Variants in PTPRD observed in about 807,000 individuals in gnomAD.
PTPRD encodes receptor-type tyrosine-protein phosphatase delta.
A neutral mutation model predicts 214.5 loss-of-function variants in PTPRD; 34 were observed. That is an observed-to-expected ratio of 0.16 (90% confidence interval 0.12 to 0.21). The LOEUF (loss-of-function observed/expected upper bound fraction) is 0.21, where lower values mean the gene tolerates loss of function less well. Among genes scored for constraint, PTPRD ranks in the 10% least tolerant of loss-of-function variants. The pLI is 1.00. For synonymous variants in PTPRD, 1,128 were observed against 845.7 expected, an observed-to-expected ratio of 1.33 and a Z score of -5.79; for missense variants, 2,545 against 2,398.7, an observed-to-expected ratio of 1.06 and a Z score of -1.27.
At chr9:10,089,804 A>T (rs1437369474) in intron 3 of PTPRD, among the ~76,000 whole-genome samples, 2 of 151,678 alleles carry the variant, frequency 1.3e-5, no homozygotes, top group African/African-American at 2.4e-5. Context: ...GGTGACGGGC[A>T]TCGGGGCAAC....
At chr9:9,735,158 G>A (rs777508433) in intron 6 of PTPRD, among the ~76,000 whole-genome samples, 2 of 152,028 alleles carry the variant, frequency 1.3e-5, no homozygotes, top group African/African-American at 2.4e-5. Flanking sequence ...GGCAATATCT[G>A]AACAGCACAA....
Position 8,834,378 on chromosome 9 carries a change from T to C in PTPRD, c.-103-100432A>G, listed in dbSNP as rs185713332. Among the ~76,000 whole-genome samples the C allele has an allele frequency of 3.3e-5, 5 of 152,200 alleles. No homozygotes were observed. The East Asian group carries it at 7.7e-4, about 24-fold the overall frequency. On this transcript the variant is annotated intron_variant, in intron 11 of 45. Transcript: ENST00000381196. ...CATGATAGTGTTTCTTTTTTATAGA[T>C]AAAATGTTTTAAAAATTCAGCACCT...
At chr9:10,506,456 T>A (rs1386508758) in intron 2 of PTPRD, among the ~76,000 whole-genome samples, 1 of 152,128 alleles carries the variant, frequency 6.6e-6, no homozygotes, top group East Asian at 1.9e-4. Flanking sequence ...ATGTACATTT[T>A]AAAATAACTA....
intron 3 of PTPRD, among the ~76,000 whole-genome samples, chr9:10,175,089 G>T (rs529343083): frequency 3.3e-5 from 5 of 152,134 alleles, no homozygotes; most frequent in African/African-American, 1.2e-4. Flanking sequence ...TAAAGCCTTA[G>T]GTATTGCCCT....
At chr9:9,371,335 C>T (rs566830271) in intron 9 of PTPRD, among the ~76,000 whole-genome samples, 240 of 151,890 alleles carry the variant, frequency 1.6e-3, no homozygotes, top group Non-Finnish European at 2.9e-3. Flanking sequence ...CCTGGTTTAG[C>T]GTTGGGAGGT....
chr9:9,599,281 T>C (rs1301419433), intron 7 of PTPRD, among the ~76,000 whole-genome samples: 1 of 152,066 alleles, frequency 6.6e-6, no homozygotes, highest in Non-Finnish European at 1.5e-5. Flanking sequence ...TCGTTAGGAA[T>C]ATAGGGAGAC....
intron 5 of PTPRD, among the ~76,000 whole-genome samples, chr9:9,786,627 T>C (rs2154493295): frequency 6.6e-6 from 1 of 152,174 alleles, no homozygotes; most frequent in East Asian, 1.9e-4. Flanking sequence ...CTGGGTCAAA[T>C]GGTATTTCTA....
intron 11 of PTPRD, among the ~76,000 whole-genome samples, chr9:8,931,830 C>G (rs2098954716): frequency 6.6e-6 from 1 of 152,086 alleles, no homozygotes; most frequent in African/African-American, 2.4e-5. Flanking sequence ...TGACTACTGC[C>G]TCAATTTCAG....
chr9:9,934,695 A>G (rs1298344142), intron 5 of PTPRD, among the ~76,000 whole-genome samples: 1 of 151,390 alleles, frequency 6.6e-6, no homozygotes, highest in East Asian at 1.9e-4. Flanking sequence ...CAATCAACAG[A>G]AAAAGAGGGA....
chr9:9,550,512 T>C (rs1374392710), intron 8 of PTPRD, among the ~76,000 whole-genome samples: 2 of 148,584 alleles, frequency 1.3e-5, no homozygotes, highest in South Asian at 2.1e-4. Context: ...TAGGACAATA[T>C]ATTATGTATA....
At chr9:9,628,244 G>A (rs936819895) in intron 7 of PTPRD, among the ~76,000 whole-genome samples, 1 of 152,128 alleles carries the variant, frequency 6.6e-6, no homozygotes, top group Non-Finnish European at 1.5e-5. Flanking sequence ...ACACATGTGT[G>A]ATAACTCCTG....
rs529589369 is a variant in PTPRD at position 9,123,544 on chromosome 9, AT to A, written c.-143+59759del. ...TACAATCAGATATGTACAGAGAAAC[AT>A]TTTTTTTTTCCAATGGCATCAAGAA... On this transcript the variant is annotated intron_variant, in intron 10 of 45. Transcript: ENST00000381196. Among the ~76,000 whole-genome samples, 172 of 150,340 alleles carry A rather than the reference AT, an allele frequency of 1.1e-3. 1 individual carries two copies. The highest frequency in any genetic ancestry group is 1.1e-3 in the South Asian group (5 of 4,738).
chr9:9,649,413 T>C (rs1410185282), intron 7 of PTPRD, among the ~76,000 whole-genome samples: 1 of 152,172 alleles, frequency 6.6e-6, no homozygotes, highest in African/African-American at 2.4e-5. Flanking sequence ...ATAAACTGCT[T>C]AAGTTTAATG....
intron 5 of PTPRD, among the ~76,000 whole-genome samples, chr9:9,879,652 G>A (rs548750811): frequency 6.6e-6 from 1 of 152,288 alleles, no homozygotes; most frequent in African/African-American, 2.4e-5. Context: ...AAAATTGACA[G>A]AGATCCTAAG....
chr9:10,329,994 T>G (rs1050341638), intron 3 of PTPRD, among the ~76,000 whole-genome samples: 1 of 151,858 alleles, frequency 6.6e-6, no homozygotes, highest in African/African-American at 2.4e-5. Context: ...AATCACTGGA[T>G]TAGGAATAAA....
At chr9:8,704,412 G>T (rs1411851114) in intron 12 of PTPRD, among the ~76,000 whole-genome samples, 1 of 151,848 alleles carries the variant, frequency 6.6e-6, no homozygotes, top group African/African-American at 2.4e-5. Context: ...TGGGAAGAAG[G>T]AAAAAAAGGA....
chr9:10,001,686 A>AT (rs1002996738), intron 4 of PTPRD, among the ~76,000 whole-genome samples: 1 of 152,178 alleles, frequency 6.6e-6, no homozygotes, highest in Non-Finnish European at 1.5e-5. Flanking sequence ...AAATAATAAA[A>AT]TAAATGGTTT....
chr9:8,688,747 G>C (rs1198747408), intron 12 of PTPRD, among the ~76,000 whole-genome samples: 1 of 151,976 alleles, frequency 6.6e-6, no homozygotes, highest in African/African-American at 2.4e-5. Context: ...AGAACACCAA[G>C]CTATCCATCC....
intron 5 of PTPRD, among the ~76,000 whole-genome samples, chr9:9,784,098 G>C (rs1048495068): frequency 6.6e-6 from 1 of 152,028 alleles, no homozygotes; most frequent in Non-Finnish European, 1.5e-5. Context: ...ACACAAGTGC[G>C]AAAGATTTCC....
Sources: allele counts gnomAD v4.1 joint callset (sites outside exome capture counted in the v4.1 genomes callset), GRCh38; gene constraint gnomAD v4.1.1; transcripts MANE v1.5; gene names NCBI Gene and HGNC (gene_info 2026-07-23, HGNC 2026-07-21).